The following PTPRD variants were observed in gnomAD, a reference collection of about 807,000 sequenced individuals.
The protein encoded by PTPRD is receptor-type tyrosine-protein phosphatase delta.
PTPRD carries 34 observed loss-of-function variants against 214.5 expected under a neutral mutation model. That is an observed-to-expected ratio of 0.16 (90% confidence interval 0.12 to 0.21). PTPRD has a LOEUF of 0.21. Among genes scored for constraint, PTPRD ranks in the 10% least tolerant of loss-of-function variants. The pLI is 1.00. For missense variants in PTPRD, 2,545 were observed against 2,398.7 expected, an observed-to-expected ratio of 1.06 and a Z score of -1.27; for synonymous variants, 1,128 against 845.7, an observed-to-expected ratio of 1.33 and a Z score of -5.79.
chr9:9,473,348 T>G (rs1247968860), intron 8 of PTPRD, among the ~76,000 whole-genome samples: 1 of 152,218 alleles, frequency 6.6e-6, no homozygotes, highest in Non-Finnish European at 1.5e-5. Flanking sequence ...ATTGTGCATA[T>G]ATAACACATA....
chr9:10,555,015 T>C (rs532959948), intron 2 of PTPRD, among the ~76,000 whole-genome samples: 26 of 152,300 alleles, frequency 1.7e-4, no homozygotes, highest in Admixed American at 6.5e-4. Context: ...GTTAGAGTAG[T>C]GATTAAATTG....
intron 7 of PTPRD, among the ~76,000 whole-genome samples, chr9:9,621,067 C>T (rs1420495960): frequency 6.6e-6 from 1 of 152,090 alleles, no homozygotes. Flanking sequence ...GGTAAATAAA[C>T]CCCTCACTAA....
At position 8,880,544 on chromosome 9, in the gene PTPRD, C is replaced by T. The variant is rs1361391938; in HGVS notation, c.-104+138153G>A. Among the ~76,000 whole-genome samples the T allele has an allele frequency of 4.6e-5, 7 of 152,012 alleles. No individual in the cohort carries two copies. The East Asian group carries it at 1.4e-3, about 29-fold the overall frequency. On this transcript the variant is annotated intron_variant, in intron 11 of 45. Coordinates refer to ENST00000381196, the MANE Select transcript of PTPRD (RefSeq NM_002839.4). ...CTATTACTGTTTAATCTGAGGGTGC[C>T]TATTGGGAGTAATGAAATAACATTA...
At chr9:9,107,736 T>A (rs2154446675) in intron 10 of PTPRD, among the ~76,000 whole-genome samples, 1 of 152,302 alleles carries the variant, frequency 6.6e-6, no homozygotes, top group Non-Finnish European at 1.5e-5. Context: ...AGGCCATTTG[T>A]CTTTTGCTAC....
At chr9:10,037,622 CATTCACTTTACATTT>C (rs2097210729) in intron 3 of PTPRD, among the ~76,000 whole-genome samples, 2 of 147,184 alleles carry the variant, frequency 1.4e-5, no homozygotes, top group East Asian at 2.0e-4. Context: ...GAAACTGACA[CATTCACTTTACATTT>C]AAGGGGTGGT....
intron 3 of PTPRD, among the ~76,000 whole-genome samples, chr9:10,171,745 G>A (rs1248154730): frequency 6.6e-6 from 1 of 152,038 alleles, no homozygotes; most frequent in Non-Finnish European, 1.5e-5. Flanking sequence ...GGATGGTCTC[G>A]ATCTCCTGAC....
chr9:9,378,051 T>C (rs1315117464), intron 9 of PTPRD, among the ~76,000 whole-genome samples: 2 of 152,088 alleles, frequency 1.3e-5, no homozygotes, highest in African/African-American at 4.8e-5. Context: ...GATATATTTG[T>C]TACCGATAAT....
chr9:9,209,770 A>T (rs2099947337), intron 9 of PTPRD, among the ~76,000 whole-genome samples: 1 of 152,210 alleles, frequency 6.6e-6, no homozygotes, highest in Non-Finnish European at 1.5e-5. Context: ...AAAATATTTA[A>T]AAATATATAT....
intron 11 of PTPRD, among the ~76,000 whole-genome samples, chr9:8,979,585 C>G (rs1229807289): frequency 6.6e-6 from 1 of 152,028 alleles, no homozygotes; most frequent in Non-Finnish European, 1.5e-5. Context: ...AGGACTTGAA[C>G]AGACATTTCT....
intron 12 of PTPRD, among the ~76,000 whole-genome samples, chr9:8,657,549 A>G (rs1218144280): frequency 6.6e-6 from 1 of 152,208 alleles, no homozygotes; most frequent in Non-Finnish European, 1.5e-5. Flanking sequence ...GATATCTGTC[A>G]GATGAATACG....
intron 9 of PTPRD, among the ~76,000 whole-genome samples, chr9:9,318,104 G>A (rs1242464396): frequency 6.6e-6 from 1 of 151,810 alleles, no homozygotes; most frequent in African/African-American, 2.4e-5. Flanking sequence ...CAGGGATGCG[G>A]AGGTTGCAGT....
At chr9:9,894,369 T>C (rs570520716) in intron 5 of PTPRD, among the ~76,000 whole-genome samples, 91 of 152,244 alleles carry the variant, frequency 6.0e-4, no homozygotes, top group African/African-American at 2.0e-3. Flanking sequence ...AGGCCCTGTG[T>C]GATCTTTCTA....
intron 3 of PTPRD, among the ~76,000 whole-genome samples, chr9:10,088,585 A>T (rs2098387478): frequency 6.6e-6 from 1 of 151,786 alleles, no homozygotes; most frequent in Non-Finnish European, 1.5e-5. Context: ...ATCTTCAGGA[A>T]GATAAAGGAA....
intron 14 of PTPRD, among the ~76,000 whole-genome samples, chr9:8,612,883 C>T (rs554152474): frequency 1.3e-5 from 2 of 151,988 alleles, no homozygotes; most frequent in Non-Finnish European, 2.9e-5. Flanking sequence ...AAATTATAAT[C>T]GATTAGTTTA....
At chr9:8,633,287 A>G (rs372661922) in intron 14 of PTPRD, 30 bp downstream of exon 14, 613 of 1,601,944 alleles carry the variant, frequency 3.8e-4, no homozygotes, top group Admixed American at 1.4e-3. Flanking sequence ...TAACAATGAC[A>G]CAAACGACAA....
chr9:9,395,325 A>T (rs1252596697), intron 9 of PTPRD, among the ~76,000 whole-genome samples: 1 of 152,082 alleles, frequency 6.6e-6, no homozygotes, highest in Non-Finnish European at 1.5e-5. Context: ...TTTCAACTCC[A>T]TTTCCTGATA....
chr9:10,199,018 C>T (rs2099408942), intron 3 of PTPRD, among the ~76,000 whole-genome samples: 1 of 151,820 alleles, frequency 6.6e-6, no homozygotes, highest in African/African-American at 2.4e-5. Context: ...GCATAAGATA[C>T]CTACACAGAA....
intron 4 of PTPRD, among the ~76,000 whole-genome samples, chr9:9,944,820 C>T (rs1323588826): frequency 6.6e-6 from 1 of 151,994 alleles, no homozygotes; most frequent in South Asian, 2.1e-4. Flanking sequence ...TTAGCTTTTA[C>T]TTCAAATGAA....
At chr9:8,977,211 G>C (rs2099272766) in intron 11 of PTPRD, among the ~76,000 whole-genome samples, 1 of 152,004 alleles carries the variant, frequency 6.6e-6, no homozygotes, top group African/African-American at 2.4e-5. Context: ...TGGTTTAACT[G>C]ACTAATTTAC....
Sources: allele counts gnomAD v4.1 joint callset (sites outside exome capture counted in the v4.1 genomes callset), GRCh38; gene constraint gnomAD v4.1.1; transcripts MANE v1.5; gene names NCBI Gene and HGNC (gene_info 2026-07-23, HGNC 2026-07-21).